SLC4A4: variants seen among roughly 807,000 people sequenced by gnomAD.
SLC4A4 encodes electrogenic sodium bicarbonate cotransporter 1.
Under a neutral mutation model 111.5 loss-of-function variants are expected in SLC4A4, and 27 were observed. The ratio of observed to expected loss-of-function variants is 0.24; its 90% CI spans 0.18 to 0.33. The LOEUF (loss-of-function observed/expected upper bound fraction) is 0.33. Among genes scored for constraint, SLC4A4 ranks in the 10% least tolerant of loss-of-function variants. The pLI is 1.00. For missense variants in SLC4A4, 909 were observed against 1,315.5 expected (o/e 0.69, Z 4.78); for synonymous variants, 443 against 463.4 (o/e 0.96, Z 0.57).
chr4:71,254,353 C>T (rs538925329), intron 2 of SLC4A4, among the ~76,000 whole-genome samples: 11 of 152,256 alleles, frequency 7.2e-5, no homozygotes, highest in Admixed American at 5.2e-4. Flanking sequence ...AATAATACCA[C>T]TTGTCAGTTT....
intron 7 of SLC4A4, among the ~76,000 whole-genome samples, chr4:71,427,307 A>T (rs1179920465): frequency 6.6e-6 from 1 of 152,148 alleles, no homozygotes; most frequent in Non-Finnish European, 1.5e-5. Flanking sequence ...ATGTTACTGA[A>T]TGCATGTTTG....
At chr4:71,304,243 G>T (rs1411628822) in intron 3 of SLC4A4, among the ~76,000 whole-genome samples, 1 of 152,166 alleles carries the variant, frequency 6.6e-6, no homozygotes, top group Admixed American at 6.5e-5. Context: ...AGGCTGAAAA[G>T]TCCCACAGTC....
At chr4:71,514,978 T>A (rs546280019) in intron 16 of SLC4A4, among the ~76,000 whole-genome samples, 164 of 152,144 alleles carry the variant, frequency 1.1e-3, no homozygotes, top group Middle Eastern at 3.4e-3. Context: ...TTAGTCTGTA[T>A]TTGTTAGTTC....
intron 1 of SLC4A4, among the ~76,000 whole-genome samples, chr4:71,210,995 C>G (rs545057965): frequency 6.6e-6 from 1 of 152,124 alleles, no homozygotes. Flanking sequence ...GAAAAGACTT[C>G]GAGCCAAAAT....
At chr4:71,300,818 G>T in intron 3 of SLC4A4, 1 of 429,590 alleles carries the variant, frequency 2.3e-6, no homozygotes, top group Non-Finnish European at 4.7e-6. Flanking sequence ...AACCCCTGAG[G>T]TGCAGAGAAG....
At position 71,153,037 on chromosome 4, in the gene SLC4A4, A is replaced by G. The variant is rs1007071501; in HGVS notation, c.-2+60245A>G. The stretch of plus-strand genomic sequence containing the variant: ...TATATATAAATATATGTGTGTGTAT[A>G]TATATATATATATATAAAAATAAAA... On this transcript the variant is annotated intron_variant, in intron 2 of 26. Transcript: ENST00000649996. 3.5e-4 allele frequency among the ~76,000 whole-genome samples: 46 copies of G among 130,044 alleles called. 1 individual carries two copies. Among genetic ancestry groups the G allele is most frequent in the South Asian group, 2.5e-3 (12 of 4,708 alleles). 85.3% of individuals were successfully genotyped at this position (130,044 alleles called of 152,430 possible).
chr4:71,512,736 C>T (rs780435479), intron 16 of SLC4A4, among the ~76,000 whole-genome samples: 2 of 152,022 alleles, frequency 1.3e-5, no homozygotes, highest in Admixed American at 6.6e-5. Context: ...AATTTTCCCT[C>T]GGTTTTCTTC....
At chr4:71,493,778 A>G (rs1418795986) in intron 15 of SLC4A4, among the ~76,000 whole-genome samples, 1 of 148,686 alleles carries the variant, frequency 6.7e-6, no homozygotes, top group Non-Finnish European at 1.5e-5. Flanking sequence ...CTCATCCACT[A>G]TAAACACCTC....
intron 1 of SLC4A4, among the ~76,000 whole-genome samples, chr4:71,223,362 A>T (rs2149024729): frequency 6.6e-6 from 1 of 152,016 alleles, no homozygotes; most frequent in East Asian, 1.9e-4. Flanking sequence ...TTTTTAGCAG[A>T]GACGGGTTTT....
intron 1 of SLC4A4, among the ~76,000 whole-genome samples, chr4:71,216,727 G>A (rs1718450721): frequency 6.6e-6 from 1 of 152,164 alleles, no homozygotes; most frequent in African/African-American, 2.4e-5. Flanking sequence ...TCAGAGCTGG[G>A]TTTGAATTCT....
chr4:71,268,183 A>G (rs116739361), intron 3 of SLC4A4, among the ~76,000 whole-genome samples: 1 of 134,750 alleles, frequency 7.4e-6, no homozygotes, highest in African/African-American at 2.8e-5. Context: ...GATTTTGTCT[A>G]TTTTCATGTA....
intron 3 of SLC4A4, among the ~76,000 whole-genome samples, chr4:71,301,692 A>G (rs1447239090): frequency 6.6e-6 from 1 of 152,238 alleles, no homozygotes; most frequent in Non-Finnish European, 1.5e-5. Context: ...TGAGCTGCAC[A>G]GATTGCCAGC....
intron 2 of SLC4A4, among the ~76,000 whole-genome samples, chr4:71,130,175 T>C (rs770022308): frequency 2.0e-5 from 3 of 152,188 alleles, no homozygotes; most frequent in Non-Finnish European, 4.4e-5. Flanking sequence ...TTCAGGGACC[T>C]GTGCTTCAAA....
chr4:71,065,769 C>T (rs1208186889), intron 1 of SLC4A4, among the ~76,000 whole-genome samples: 1 of 152,160 alleles, frequency 6.6e-6, no homozygotes, highest in African/African-American at 2.4e-5. Context: ...ATGTCACTTT[C>T]TCTGAGGTAC....
intron 1 of SLC4A4, among the ~76,000 whole-genome samples, chr4:71,089,454 T>C (rs1742308951): frequency 6.6e-6 from 1 of 152,094 alleles, no homozygotes; most frequent in Non-Finnish European, 1.5e-5. Flanking sequence ...CTGTGTTCCT[T>C]TGGAGGAGGA....
At chr4:71,139,179 T>TTGTGTGTGTGTG (rs57359640) in intron 2 of SLC4A4, among the ~76,000 whole-genome samples, 4,713 of 144,454 alleles carry the variant, frequency 0.033, 87 homozygotes, top group Non-Finnish European at 0.044. Flanking sequence ...TCCCTTTTCT[T>TTGTGTGTGTGTG]TGTGTGTGTG....
chr4:71,267,579 G>A (rs1478363105), intron 3 of SLC4A4, among the ~76,000 whole-genome samples: 4 of 151,880 alleles, frequency 2.6e-5, no homozygotes, highest in African/African-American at 7.3e-5. Flanking sequence ...TGGATCACCC[G>A]AGGTCAAAGT....
intron 3 of SLC4A4, among the ~76,000 whole-genome samples, chr4:71,284,430 A>G (rs190171261): frequency 2.3e-4 from 35 of 152,278 alleles, no homozygotes; most frequent in Admixed American, 4.6e-4. Flanking sequence ...CTTTCATTAC[A>G]TTGACTCAGA....
At chr4:71,422,964 C>T (rs1054220144) in intron 7 of SLC4A4, among the ~76,000 whole-genome samples, 5 of 152,168 alleles carry the variant, frequency 3.3e-5, no homozygotes, top group African/African-American at 1.2e-4. Flanking sequence ...TCCTATTCAA[C>T]ATAGTGTTGG....
Sources: gnomAD v4.1 joint callset for allele counts (sites outside exome capture counted in the v4.1 genomes callset) on GRCh38, gnomAD v4.1.1 for gene constraint, MANE v1.5 for transcripts, NCBI Gene and HGNC (gene_info 2026-07-23, HGNC 2026-07-21) for gene names.